The following NPLOC4 variants were observed in gnomAD, a reference collection of about 807,000 sequenced individuals.
NPLOC4 encodes NPL4 homolog, ubiquitin recognition factor, also known as nuclear protein localization protein 4 homolog.
In NPLOC4, 18 loss-of-function variants were observed where a neutral mutation model predicts 80.6. The ratio of observed to expected loss-of-function variants is 0.22; its 90% CI spans 0.15 to 0.33. The LOEUF (loss-of-function observed/expected upper bound fraction) is 0.33, where lower values mean the gene tolerates loss of function less well. NPLOC4 is among the 10% of genes least tolerant of loss of function. NPLOC4 has a pLI of 1.00. For synonymous variants in NPLOC4, 313 were observed against 301.5 expected (o/e 1.04, Z -0.39); for missense variants, 540 against 786.1 (o/e 0.69, Z 3.74).
At chr17:81,591,788 G>A (rs1387582908) in intron 11 of NPLOC4, among the ~76,000 whole-genome samples, 1 of 152,216 alleles carries the variant, frequency 6.6e-6, no homozygotes, top group East Asian at 1.9e-4. Flanking sequence ...TACGTGGGAA[G>A]GATCACAGGG....
chr17:81,628,330 T>C (rs931170043), intron 2 of NPLOC4, among the ~76,000 whole-genome samples: 14 of 151,628 alleles, frequency 9.2e-5, no homozygotes, highest in African/African-American at 2.4e-4. Context: ...ATGGTGAAGA[T>C]AGTGAAACCC....
At chr17:81,617,300 G>A (rs964200995) in intron 3 of NPLOC4, among the ~76,000 whole-genome samples, 1 of 152,186 alleles carries the variant, frequency 6.6e-6, no homozygotes, top group Non-Finnish European at 1.5e-5. Context: ...TTGAGACAGG[G>A]TCTTGCTCTG....
At chr17:81,625,192 G>A (rs2035765797) in intron 2 of NPLOC4, among the ~76,000 whole-genome samples, 2 of 152,324 alleles carry the variant, frequency 1.3e-5, no homozygotes, top group South Asian at 4.1e-4. Flanking sequence ...TCAGAGTAAA[G>A]CTGAGAATTC....
At chr17:81,627,653 T>C (rs1377305126) in intron 2 of NPLOC4, among the ~76,000 whole-genome samples, 1 of 151,390 alleles carries the variant, frequency 6.6e-6, no homozygotes, top group Non-Finnish European at 1.5e-5. Flanking sequence ...GCAGAATTGC[T>C]TGAACCCGGG....
chr17:81,562,697 T>A (rs1039505343), intron 16 of NPLOC4: 1 of 151,960 alleles, frequency 6.6e-6, no homozygotes, highest in Non-Finnish European at 1.5e-5. Flanking sequence ...CACTGCAATC[T>A]CAGCACTGAG....
rs1555686400 is a variant in NPLOC4 at position 81,616,333 on chromosome 17, A to AAGAAAC, written c.210-2840_210-2839insGTTTCT. 7.8e-5 allele frequency among the ~76,000 whole-genome samples: 9 copies of AAGAAAC among 115,636 alleles called. 1 individual carries two copies. The highest frequency in any genetic ancestry group is 2.8e-4 in the African/African-American group (8 of 28,990). The allele number at this position is 115,636 out of a possible 152,430, so 75.9% of individuals were successfully genotyped here. Reference sequence around the variant, plus strand: ...AAGACTCTGTCTCAAAAAAAAAAAAAAAAAAGAAAAGCAAAGCTGCTAAAT... The same window carrying AAGAAAC: ...AAGACTCTGTCTCAAAAAAAAAAAAAAGAAACAAAAAGAAAAGCAAAGCTGCTAAAT... On this transcript the variant is annotated intron_variant, in intron 3 of 16. Coordinates refer to ENST00000331134, the MANE Select transcript of NPLOC4 (RefSeq NM_017921.4).
intron 1 of NPLOC4, among the ~76,000 whole-genome samples, chr17:81,631,457 T>C (rs56118967): frequency 9.1e-5 from 6 of 66,162 alleles, no homozygotes; most frequent in East Asian, 1.1e-3. Context: ...TTTTTTTTTT[T>C]TTTTTCCCCC....
intron 11 of NPLOC4, among the ~76,000 whole-genome samples, chr17:81,595,515 C>T (rs1265749183): frequency 3.0e-5 from 4 of 132,790 alleles, no homozygotes; most frequent in Non-Finnish European, 4.8e-5. Flanking sequence ...TCCATATATA[C>T]ATATACATAT....
At chr17:81,616,334 A>G (rs2035485965) in intron 3 of NPLOC4, among the ~76,000 whole-genome samples, 1 of 46,616 alleles carries the variant, frequency 2.1e-5, no homozygotes, top group Admixed American at 2.9e-4. Context: ...AAAAAAAAAA[A>G]AAAAGAAAAG....
chr17:81,571,639 T>G (rs2034163478), intron 13 of NPLOC4, among the ~76,000 whole-genome samples: 1 of 152,186 alleles, frequency 6.6e-6, no homozygotes, highest in African/African-American at 2.4e-5. Context: ...GCACAGCACA[T>G]CTGGACAAGA....
chr17:81,565,088 T>C, intron 16 of NPLOC4: 1 of 572,792 alleles, frequency 1.7e-6, no homozygotes, highest in Admixed American at 3.1e-5. Flanking sequence ...AGCAACAACA[T>C]GGATGCTGCA....
intron 16 of NPLOC4, among the ~76,000 whole-genome samples, chr17:81,559,911 T>A (rs1223605105): frequency 1.3e-5 from 2 of 151,642 alleles, no homozygotes; most frequent in Non-Finnish European, 2.9e-5. Context: ...TTTATCTATT[T>A]TTTGGTAGAA....
intron 12 of NPLOC4, among the ~76,000 whole-genome samples, chr17:81,587,055 G>A (rs1598637528): frequency 6.6e-6 from 1 of 152,156 alleles, no homozygotes; most frequent in African/African-American, 2.4e-5. Flanking sequence ...ACAGACAGAC[G>A]GTCCACGGAA....
intron 11 of NPLOC4, among the ~76,000 whole-genome samples, chr17:81,591,479 C>G (rs1368465882): frequency 7.3e-6 from 1 of 136,916 alleles, no homozygotes; most frequent in Non-Finnish European, 1.6e-5. Flanking sequence ...AAAACCTGCT[C>G]TGGTGTTTAG....
intron 12 of NPLOC4, among the ~76,000 whole-genome samples, chr17:81,574,629 G>A (rs915977805): frequency 6.6e-6 from 1 of 152,096 alleles, no homozygotes; most frequent in Non-Finnish European, 1.5e-5. Flanking sequence ...CCAACACCTC[G>A]CCACCCGCCA....
chr17:81,590,498 C>T (rs1290219092), intron 11 of NPLOC4, among the ~76,000 whole-genome samples: 1 of 152,086 alleles, frequency 6.6e-6, no homozygotes, highest in East Asian at 1.9e-4. Context: ...ACTACAATCT[C>T]ATTATTTTTT....
chr17:81,606,594 C>G (rs753054835), intron 7 of NPLOC4, 97 bp downstream of exon 7: 1 of 1,286,472 alleles, frequency 7.8e-7, no homozygotes, highest in African/African-American at 1.5e-5. Flanking sequence ...AAATCCACCA[C>G]GCATAGTGCT....
At chr17:81,615,973 C>A (rs2035473217) in intron 3 of NPLOC4, among the ~76,000 whole-genome samples, 1 of 152,292 alleles carries the variant, frequency 6.6e-6, no homozygotes, top group East Asian at 1.9e-4. Context: ...AGTTGTAGGT[C>A]CATCACACCC....
chr17:81,567,668 C>T lies in NPLOC4; in HGVS notation c.1450-135G>A, dbSNP rs758144765. The T allele has an allele frequency of 3.7e-5, 23 of 622,450 alleles. No individual in the cohort carries two copies. The highest frequency in any genetic ancestry group is 9.5e-5 in the South Asian group (5 of 52,520). The allele number at this position is 622,450 out of a possible 1,614,324, so 38.6% of individuals were successfully genotyped here. A position where few individuals can be genotyped will look rare whatever the true frequency, so the allele number is the denominator to read the frequency against. On this transcript the variant is annotated intron_variant, in intron 14 of 16. Coordinates refer to ENST00000331134, the MANE Select transcript of NPLOC4 (RefSeq NM_017921.4). This position sits in a 1 kb window ranked among gnomAD's most constrained non-coding sequence, Gnocchi z 4.5. Reference sequence around the variant, plus strand: ...ACCTCTCCCTCTGCCTCTGCAACCACGAACAGGGTCCAAGAAAGAGGAGCA... The same window carrying T: ...ACCTCTCCCTCTGCCTCTGCAACCATGAACAGGGTCCAAGAAAGAGGAGCA...
Sources: gnomAD v4.1 joint callset for allele counts (sites outside exome capture counted in the v4.1 genomes callset) on GRCh38, gnomAD v4.1.1 for gene constraint, Gnocchi (gnomAD v3.1) non-coding constraint, MANE v1.5 for transcripts, NCBI Gene and HGNC (gene_info 2026-07-23, HGNC 2026-07-21) for gene names.